The following RBBP8 variants were observed in gnomAD, a reference collection of about 807,000 sequenced individuals.
RBBP8 encodes the protein RB binding protein 8, endonuclease.
RBBP8 carries 88 observed loss-of-function variants against 108.3 expected under a neutral mutation model. The observed-to-expected ratio is 0.81, with a 90% CI of 0.68 to 0.97. The LOEUF is 0.97. RBBP8 is among the 50% of genes least tolerant of loss of function. The pLI, the probability that RBBP8 is intolerant of heterozygous loss-of-function variation, is 0.00. For synonymous variants in RBBP8, 332 were observed against 348.2 expected (o/e 0.95, Z 0.52); for missense variants, 1,023 against 1,049.0 (o/e 0.98, Z 0.34).
chr18:22,948,797 T>C (rs1453355075), intron 3 of RBBP8, among the ~76,000 whole-genome samples: 1 of 152,226 alleles, frequency 6.6e-6, no homozygotes, highest in East Asian at 1.9e-4. Flanking sequence ...GCTTCAAGAC[T>C]ATACAGAAAA....
At position 22,936,815 on chromosome 18, in the gene RBBP8, TA is replaced by T; in HGVS notation, c.-36del. The T allele has an allele frequency of 6.2e-7, 1 of 1,612,942 alleles. No individual in the cohort carries two copies. Among genetic ancestry groups the T allele is most frequent in the Non-Finnish European group, 8.5e-7 (1 of 1,179,316 alleles). ...TAATGTAACAGAAAAGGTCAGAAAA[TA>T]TTAAGCAAGTAGAAGTGTGGAGCAT... On this transcript the variant is annotated 5_prime_UTR_variant, in exon 2 of 19. Coordinates refer to ENST00000327155, the MANE Select transcript of RBBP8 (RefSeq NM_002894.3).
At chr18:22,994,657 A>G (rs2045821980) in intron 12 of RBBP8, among the ~76,000 whole-genome samples, 1 of 151,328 alleles carries the variant, frequency 6.6e-6, no homozygotes, top group Non-Finnish European at 1.5e-5. Context: ...AAAAAAAAAA[A>G]AGAAAAAAAA....
intron 5 of RBBP8, among the ~76,000 whole-genome samples, chr18:22,971,377 T>C (rs1914067781): frequency 7.0e-6 from 1 of 143,588 alleles, no homozygotes; most frequent in Admixed American, 7.2e-5. Context: ...CTTTTGGTGA[T>C]TGTTTTTCTT....
In RBBP8 at chr18:22,992,951, C is replaced by A; in HGVS notation, c.1124C>A (p.Thr375Asn). ...SNTCISRLEK[T>N]RSKSEDSALF... is the part of the protein sequence containing the mutation. ...ACTTGTATATCTAGATTAGAAAAAA[C>A]TAGATCAAAATCTGAAGATAGTGCC... Residue 375 changes from threonine (T) to asparagine (N), a missense_variant, in exon 11 of 19, where the codon ACT (threonine) becomes AAT (asparagine). Thr to Asn is a moderately conservative substitution (Grantham distance 65, BLOSUM62 0). Transcript: ENST00000327155. 2 of 1,613,558 alleles carry A rather than the reference C, an allele frequency of 1.2e-6. No homozygotes were observed. Among genetic ancestry groups the A allele is most frequent in the South Asian group, 1.1e-5 (1 of 91,058 alleles).
intron 3 of RBBP8, chr18:22,917,174 CCTTATCTTATCA>C (rs1215892629): frequency 6.6e-6 from 1 of 152,244 alleles, no homozygotes; most frequent in African/African-American, 2.4e-5. Flanking sequence ...CTACTAATTA[CCTTATCTTATCA>C]CAGGTAAAAT....
chr18:22,945,442 C>T lies in RBBP8; in HGVS notation c.110-1002C>T, dbSNP rs574912985. ...CGCTCTTGTTGCCCACGCTGGAGTG[C>T]AATGGCGGGATCTCAGCTCACCGCA... On this transcript the variant is annotated intron_variant, in intron 2 of 18. Coordinates refer to ENST00000327155, the MANE Select transcript of RBBP8 (RefSeq NM_002894.3). Among the ~76,000 whole-genome samples, 3 of 152,096 alleles carry T rather than the reference C, an allele frequency of 2.0e-5. No individual in the cohort carries two copies. The East Asian group carries it at 5.8e-4, about 29-fold the overall frequency.
At position 23,001,642 on chromosome 18, in the gene RBBP8, G is replaced by T; in HGVS notation, c.2200G>T (p.Glu734Ter). The stretch of plus-strand genomic sequence containing the variant: ...AGATATGTTTGATCGGACAACACAT[G>T]AAGAGTATGAATCCTGTTTGGCAGA... ...LEDMFDRTTH[E>*]EYESCLADSF... Residue 734 changes from glutamate to a stop codon, truncating the protein, a stop_gained, in exon 15 of 19, where the codon GAA (glutamate) becomes TAA (stop). Coordinates refer to ENST00000327155, the MANE Select transcript of RBBP8 (RefSeq NM_002894.3). LOFTEE classifies it high-confidence loss of function. The T allele has an allele frequency of 6.2e-7, 1 of 1,614,102 alleles. No homozygotes were observed. Among genetic ancestry groups the T allele is most frequent in the Non-Finnish European group, 8.5e-7 (1 of 1,179,992 alleles).
upstream of RBBP8, chr18:22,929,485 TGTGTGTGTGTGTGTGTGTGTGTGTG>T (rs1165961825): frequency 5.2e-4 from 4 of 7,678 alleles, no homozygotes; most frequent in African/African-American, 2.3e-3. Flanking sequence ...TGTGTGTGTG[TGTGTGTGTGTGTGTGTGTGTGTGTG>T]AAGAGACAGG....
At chr18:23,017,416 G>A (rs1002087453) in intron 17 of RBBP8, among the ~76,000 whole-genome samples, 8 of 151,154 alleles carry the variant, frequency 5.3e-5, no homozygotes, top group Non-Finnish European at 1.0e-4. Flanking sequence ...CACTTTGGGA[G>A]GCCAAGGCGG....
At chr18:22,977,811 TCTC>T (rs1914596712) in intron 6 of RBBP8, 1 of 152,160 alleles carries the variant, frequency 6.6e-6, no homozygotes, top group African/African-American at 2.4e-5. Context: ...GCAAGTCTCT[TCTC>T]CTGTGCTACT....
chr18:23,006,509 CTT>C, intron 16 of RBBP8, 77 bp downstream of exon 16: 2 of 1,266,770 alleles, frequency 1.6e-6, no homozygotes, highest in Non-Finnish European at 1.1e-6. Flanking sequence ...TCTCTTTTTT[CTT>C]TTTTTTTAAA....
At position 23,026,288 on chromosome 18, in the gene RBBP8, G is replaced by A. The variant is rs2046450589; in HGVS notation, c.*48G>A. ...ATGAAGGACAGTTTTTTCCTTCTTA[G>A]TTATTTATAGTTAAAGTTGGTACTA... On this transcript the variant is annotated 3_prime_UTR_variant, in exon 19 of 19. Transcript: ENST00000327155. 6 of 1,446,538 alleles carry A rather than the reference G, an allele frequency of 4.1e-6. No individual in the cohort carries two copies. The highest frequency in any genetic ancestry group is 5.8e-6 in the Non-Finnish European group (6 of 1,032,654). 89.6% of individuals were successfully genotyped at this position (1,446,538 alleles called of 1,614,324 possible).
intron 16 of RBBP8, among the ~76,000 whole-genome samples, chr18:23,008,186 CCTA>C (rs1230994361): frequency 6.6e-6 from 1 of 152,104 alleles, no homozygotes; most frequent in Non-Finnish European, 1.5e-5. Context: ...CTTATAGTCA[CCTA>C]CTATTTGTTC....
intron 16 of RBBP8, among the ~76,000 whole-genome samples, chr18:23,014,619 CA>C (rs1232649156): frequency 6.6e-6 from 1 of 152,110 alleles, no homozygotes; most frequent in Non-Finnish European, 1.5e-5. Flanking sequence ...GGCAACAAAG[CA>C]AGAACCTGTC....
intron 8 of RBBP8, among the ~76,000 whole-genome samples, chr18:22,988,664 T>C (rs1464063724): frequency 6.6e-6 from 1 of 152,226 alleles, no homozygotes; most frequent in Non-Finnish European, 1.5e-5. Flanking sequence ...TTCAACTATA[T>C]AAGCTCCTTG....
chr18:22,942,345 C>T (rs1259307889), intron 2 of RBBP8, among the ~76,000 whole-genome samples: 1 of 152,026 alleles, frequency 6.6e-6, no homozygotes, highest in Admixed American at 6.5e-5. Context: ...TTATTTTTGC[C>T]TCTTTTGCCA....
intron 1 of RBBP8, among the ~76,000 whole-genome samples, chr18:22,914,728 A>G (rs552341501): frequency 1.3e-5 from 2 of 152,216 alleles, no homozygotes; most frequent in Non-Finnish European, 2.9e-5. Context: ...GGCCAAAAAA[A>G]GCATTGGCCG....
intron 8 of RBBP8, among the ~76,000 whole-genome samples, chr18:22,985,503 C>T (rs988656691): frequency 1.3e-5 from 2 of 152,028 alleles, no homozygotes; most frequent in Non-Finnish European, 2.9e-5. Context: ...TTAGCAAGCC[C>T]GGAGGCTTTG....
intron 17 of RBBP8, among the ~76,000 whole-genome samples, chr18:23,019,761 ATT>A (rs35352558): frequency 2.1e-4 from 28 of 131,676 alleles, no homozygotes; most frequent in South Asian, 4.9e-4. Context: ...ACATTTTATA[ATT>A]TTTTTTTTTT....
Sources: gnomAD v4.1 joint callset for allele counts (sites outside exome capture counted in the v4.1 genomes callset) on GRCh38, gnomAD v4.1.1 for gene constraint, MANE v1.5 for transcripts, NCBI Gene and HGNC (gene_info 2026-07-23, HGNC 2026-07-21) for gene names.